Variants in GRIN2C observed in about 807,000 individuals in gnomAD.
GRIN2C encodes glutamate receptor ionotropic, NMDA 2C.
In GRIN2C, 64 loss-of-function variants were observed where a neutral mutation model predicts 77.7. The ratio of observed to expected loss-of-function variants is 0.82; its 90% CI spans 0.67 to 1.01. GRIN2C has a LOEUF of 1.01. Ranked by LOEUF, GRIN2C falls within the 50% of genes least tolerant of loss-of-function variation. The pLI, the probability that GRIN2C is intolerant of heterozygous loss-of-function variation, is 0.00. For missense variants in GRIN2C, 1,549 were observed against 1,486.0 expected (o/e 1.04, Z -0.70); for synonymous variants, 792 against 643.4 (o/e 1.23, Z -3.49).
Position 74,846,685 on chromosome 17 carries a change from C to A in GRIN2C, c.2162+75G>T. On this transcript the variant is annotated intron_variant, in intron 10 of 12. Coordinates refer to ENST00000293190, the MANE Select transcript of GRIN2C (RefSeq NM_000835.6). This position sits in a 1 kb window ranked among gnomAD's most constrained non-coding sequence, Gnocchi z 4.4. ...TGCAGGACAGCCCAGTCCCACTGTC[C>A]CCACATTGAGAGCTAAGGCTGGTCA... 1 of 1,475,290 alleles carries A rather than the reference C, an allele frequency of 6.8e-7. No individual in the cohort carries two copies. The highest frequency in any genetic ancestry group is 1.2e-5 in the South Asian group (1 of 80,194). The allele number at this position is 1,475,290 out of a possible 1,614,324, so 91.4% of individuals were successfully genotyped here.
chr17:74,850,157 AGCAGGTGGGCAG>A lies in GRIN2C; in HGVS notation c.1491+37_1491+48del. The A allele has an allele frequency of 6.3e-7, 1 of 1,597,108 alleles. No individual in the cohort carries two copies. Among genetic ancestry groups the A allele is most frequent in the South Asian group, 1.1e-5 (1 of 90,474 alleles). The stretch of plus-strand genomic sequence containing the variant: ...TCTGAGAGCCACATGGGGCCTGGGC[AGCAGGTGGGCAG>A]GCAGGGCAGGTGAGGAGGGAGTGGG... On this transcript the variant is annotated intron_variant, in intron 6 of 12. Coordinates refer to ENST00000293190, the MANE Select transcript of GRIN2C (RefSeq NM_000835.6). The surrounding 1 kb of genome is among the most constrained non-coding windows in gnomAD (Gnocchi z 5.3).
chr17:74,847,291 A>ACC lies in GRIN2C; in HGVS notation c.2001+16_2001+17insGG. The ACC allele has an allele frequency of 4.5e-6, 2 of 446,804 alleles. No homozygotes were observed. Among genetic ancestry groups the ACC allele is most frequent in the Non-Finnish European group, 8.3e-6 (2 of 240,040 alleles). 27.7% of individuals were successfully genotyped at this position (446,804 alleles called of 1,614,324 possible). A position where few individuals can be genotyped will look rare whatever the true frequency, so the allele number is the denominator to read the frequency against. On this transcript the variant is annotated intron_variant, in intron 9 of 12. Coordinates refer to ENST00000293190, the MANE Select transcript of GRIN2C (RefSeq NM_000835.6). This position sits in a 1 kb window ranked among gnomAD's most constrained non-coding sequence, Gnocchi z 5.2. ...CTCAGTGCCCCCCCCCACCCCCAGCAGCTATGGCCCCACAACCTTCTTGTC... is the reference window on the plus strand; with the variant it reads ...CTCAGTGCCCCCCCCCACCCCCAGCACCGCTATGGCCCCACAACCTTCTTGTC...
Position 74,850,498 on chromosome 17 carries a change from C to G in GRIN2C, c.1325+58G>C. 1 of 1,580,774 alleles carries G rather than the reference C, an allele frequency of 6.3e-7. No individual in the cohort carries two copies. Among genetic ancestry groups the G allele is most frequent in the Non-Finnish European group, 8.7e-7 (1 of 1,152,440 alleles). ...ACCCAAGCATGGGACATACACGACA[C>G]CTGACCATCACACGGCAGCACCCAG... On this transcript the variant is annotated intron_variant, in intron 5 of 12. Transcript: ENST00000293190. This position sits in a 1 kb window ranked among gnomAD's most constrained non-coding sequence, Gnocchi z 5.3.
intron 2 of GRIN2C, chr17:74,853,338 A>G (rs2037720720): frequency 6.6e-6 from 1 of 152,228 alleles, no homozygotes; most frequent in Non-Finnish European, 1.5e-5. Context: ...GCAAGGAAAA[A>G]AGAGAGACAG....
In GRIN2C at chr17:74,844,828, ATATACT is replaced by A. The variant is rs548900415; in HGVS notation, c.2351-326_2351-321del. On this transcript the variant is annotated intron_variant, in intron 11 of 12. Coordinates refer to ENST00000293190, the MANE Select transcript of GRIN2C (RefSeq NM_000835.6). ...AGCATTCATTCATTCACTCCTCTTC[ATATACT>A]TATTAACCATCTACATGCCACTCAC... is the stretch of plus-strand genomic sequence containing the variant. 5.9e-5 allele frequency among the ~76,000 whole-genome samples: 9 copies of A among 152,288 alleles called. No individual in the cohort carries two copies. The South Asian group carries it at 1.9e-3, about 32-fold the overall frequency.
chr17:74,849,857 G>C lies in GRIN2C; in HGVS notation c.1568C>G (p.Ser523Cys). The C allele has an allele frequency of 6.2e-7, 1 of 1,613,700 alleles. No homozygotes were observed. The highest frequency in any genetic ancestry group is 1.1e-5 in the South Asian group (1 of 91,054). Residue 523 changes from serine (S) to cysteine (C), a missense_variant, in exon 7 of 13, where the codon TCT (serine) becomes TGT (cysteine). This residue lies in a region of GRIN2C where 717 missense variants were observed against 858.1 expected (regional missense o/e 0.84). Coordinates refer to ENST00000293190, the MANE Select transcript of GRIN2C (RefSeq NM_000835.6). The surrounding 1 kb of genome is among the most constrained non-coding windows in gnomAD (Gnocchi z 4.6). ...NEERSEIVDF[S>C]VPFVETGISV... ...GATGCCCGTCTCCACAAAGGGTACA[G>C]AGAAGTCTACGATCTCGGAGCGTTC...
chr17:74,852,961 G>C (rs142567957), intron 2 of GRIN2C: 3,273 of 234,902 alleles, frequency 0.014, 42 homozygotes, highest in Non-Finnish European at 0.019. Context: ...CTCTTCAGCC[G>C]ATCCTTGAGC....
At position 74,847,506 on chromosome 17, in the gene GRIN2C, C is replaced by CT. The variant is rs767084005; in HGVS notation, c.1802dup (p.Ser602ValfsTer64). 2 of 1,613,902 alleles carry CT rather than the reference C, an allele frequency of 1.2e-6. No individual in the cohort carries two copies. The highest frequency in any genetic ancestry group is 1.7e-6 in the Non-Finnish European group (2 of 1,179,950). ...CCAGCGCCCACAGCAGCCACACGGA[C>CT]TTGCCGATAGTGAAAGCTGGGCCCC... is the stretch of plus-strand genomic sequence containing the variant. On this transcript the variant is annotated frameshift_variant, in exon 9 of 13. Coordinates refer to ENST00000293190, the MANE Select transcript of GRIN2C (RefSeq NM_000835.6). LOFTEE classifies it high-confidence loss of function. This position sits in a 1 kb window ranked among gnomAD's most constrained non-coding sequence, Gnocchi z 5.2.
Position 74,842,731 on chromosome 17 carries a change from C to G in GRIN2C, c.3406G>C (p.Glu1136Gln), listed in dbSNP as rs755037383. ...TGCCAGGCGGGGGCCCCTGCCTGCT[C>G]GCCCTCCTGGCAGGCCTCCCGGTAG... Reference protein sequence around the residue: ...PIYREACQEGEQAGAPAWQHR... With the variant: ...PIYREACQEGQQAGAPAWQHR... The change falls in exon 13 of 13, where the codon GAG becomes CAG. Residue 1136 changes from glutamate to glutamine, a missense_variant. Physicochemically the swap from Glu to Gln is conservative, Grantham distance 29. Coordinates refer to ENST00000293190, the MANE Select transcript of GRIN2C (RefSeq NM_000835.6). The G allele has an allele frequency of 2.8e-6, 2 of 705,638 alleles. No homozygotes were observed. Among genetic ancestry groups the G allele is most frequent in the South Asian group, 1.5e-5 (1 of 67,270 alleles). The allele number at this position is 705,638 out of a possible 1,614,324, so 43.7% of individuals were successfully genotyped here.
intron 2 of GRIN2C, 44 bp downstream of exon 2, chr17:74,854,650 G>T (rs1027365617): frequency 6.4e-7 from 1 of 1,557,438 alleles, no homozygotes; most frequent in Non-Finnish European, 8.8e-7. Context: ...CCCCAGCCTG[G>T]TTCCAGGCCT....
chr17:74,846,112 G>C lies in GRIN2C; in HGVS notation c.2304C>G (p.His768Gln), dbSNP rs756777941. The change falls in exon 11 of 13, where the codon CAC (histidine) becomes CAG (glutamine). Residue 768 changes from histidine to glutamine, a missense_variant. Transcript: ENST00000293190. The surrounding 1 kb of genome is among the most constrained non-coding windows in gnomAD (Gnocchi z 4.4). ...GYGIAMQKDS[H>Q]WKRAIDLALL... Reference sequence around the variant, plus strand: ...GCGCCAGGTCTATGGCCCGCTTCCAGTGGGAGTCCTTCTGCATGGCGATGC... The same window carrying C: ...GCGCCAGGTCTATGGCCCGCTTCCACTGGGAGTCCTTCTGCATGGCGATGC... 20 of 1,614,228 alleles carry C rather than the reference G, an allele frequency of 1.2e-5. 2 individuals are homozygous for C. In the South Asian group the frequency reaches 1.8e-4, roughly 14 times the overall value.
At chr17:74,861,462 C>T (rs1374897399), upstream of GRIN2C, 8 of 151,984 alleles carry the variant, frequency 5.3e-5, no homozygotes, top group East Asian at 1.6e-3. Flanking sequence ...CGACGAGAGC[C>T]CGCGCCGGCC....
rs189934255 is a variant in GRIN2C, at chr17:74,844,818, A to G, written c.2351-310T>C. On this transcript the variant is annotated intron_variant, in intron 11 of 12. Transcript: ENST00000293190. ...GGTAAATGTTAGCATTCATTCATTC[A>G]CTCCTCTTCATATACTTATTAACCA... Among the ~76,000 whole-genome samples the G allele has an allele frequency of 9.8e-4, 149 of 151,294 alleles. 1 individual carries two copies. The highest frequency in any genetic ancestry group is 3.4e-3 in the African/African-American group (141 of 41,132).
rs1265756560 is a variant in GRIN2C, at chr17:74,847,398, G to T, written c.1911C>A (p.Val637=). The change falls in exon 9 of 13, where the codon GTC becomes GTA. Residue 637 remains valine (V), a synonymous_variant. Transcript: ENST00000293190. The surrounding 1 kb of genome is among the most constrained non-coding windows in gnomAD (Gnocchi z 5.2). ...TGGCCGTGTAGCTGGCGAGGAAGAT[G>T]ACAGCAAAGAAGGCCCAGACCAGAA... is the stretch of plus-strand genomic sequence containing the variant. ...IMVLVWAFFA[V]IFLASYTANL... 3 of 1,614,092 alleles carry T rather than the reference G, an allele frequency of 1.9e-6. No homozygotes were observed. In the South Asian group the frequency reaches 3.3e-5, roughly 18 times the overall value.
rs375714875 is a variant in GRIN2C, at chr17:74,844,301, A to T, written c.2558T>A (p.Leu853Gln). The T allele has an allele frequency of 4.3e-6, 7 of 1,614,014 alleles. No individual in the cohort carries two copies. Among genetic ancestry groups the T allele is most frequent in the Non-Finnish European group, 5.1e-6 (6 of 1,179,926 alleles). ...LRHSVPNSSQ[L>Q]DFLLAFSRGI... ...CCTGCTGAAAGCCAGCAGGAAGTCCAGCTGGGATGAGTTGGGCACCGAGTG... is the reference window on the plus strand; with the variant it reads ...CCTGCTGAAAGCCAGCAGGAAGTCCTGCTGGGATGAGTTGGGCACCGAGTG... The change falls in exon 12 of 13, where the codon CTG (leucine) becomes CAG (glutamine). Residue 853 changes from leucine to glutamine, a missense_variant. Leu to Gln is a moderately radical substitution (Grantham distance 113). This residue lies in a region of GRIN2C where 450 missense variants were observed against 267.9 expected (regional missense o/e 1.68). Transcript: ENST00000293190.
chr17:74,852,284 C>T lies in GRIN2C; in HGVS notation c.727G>A (p.Ala243Thr), dbSNP rs1287252854. ...ACGTGGCCGGGCCCCACCAGACCGGCCTGCGCCGCCTCGGCGAAGAGCACC... is the reference window on the plus strand; with the variant it reads ...ACGTGGCCGGGCCCCACCAGACCGGTCTGCGCCGCCTCGGCGAAGAGCACC... ...AEVLFAEAAQ[A>T]GLVGPGHVWL... is the part of the protein sequence containing the mutation. The change falls in exon 3 of 13, where the codon GCC (alanine) becomes ACC (threonine). Residue 243 changes from alanine to threonine, a missense_variant. Around this residue, in one of 3 missense-constraint regions of GRIN2C, gnomAD observed 382 missense variants for 360.0 expected, o/e 1.06. Coordinates refer to ENST00000293190, the MANE Select transcript of GRIN2C (RefSeq NM_000835.6). 1 of 1,420,404 alleles carries T rather than the reference C, an allele frequency of 7.0e-7. No individual in the cohort carries two copies. Among genetic ancestry groups the T allele is most frequent in the East Asian group, 2.9e-5 (1 of 34,058 alleles). The allele number at this position is 1,420,404 out of a possible 1,614,324, so 88.0% of individuals were successfully genotyped here. A position where few individuals can be genotyped will look rare whatever the true frequency, so the allele number is the denominator to read the frequency against.
Position 74,854,856 on chromosome 17 carries a change from G to A in GRIN2C, c.237C>T (p.Thr79=), listed in dbSNP as rs2037767946. The A allele has an allele frequency of 6.2e-6, 10 of 1,613,808 alleles. No homozygotes were observed. The highest frequency in any genetic ancestry group is 8.5e-6 in the Non-Finnish European group (10 of 1,179,762). The change falls in exon 2 of 13, where the codon ACC becomes ACT. Residue 79 remains threonine (T), a synonymous_variant. Coordinates refer to ENST00000293190, the MANE Select transcript of GRIN2C (RefSeq NM_000835.6). ...VNTTNPSSLL[T]QICGLLGAAH... is the part of the protein sequence containing the mutation. ...CAGCACCCAGGAGGCCGCAGATCTG[G>A]GTGAGGAGGCTGCTGGGGTTGGTGG...
intron 4 of GRIN2C, 90 bp downstream of exon 4, chr17:74,851,487 A>G: frequency 1.4e-6 from 1 of 725,960 alleles, no homozygotes; most frequent in Non-Finnish European, 2.4e-6. Context: ...GATAAGGGAC[A>G]GAGGGACTCT....
Position 74,855,115 on chromosome 17 carries a change from G to T in GRIN2C, c.-15-8C>A. On this transcript the variant is annotated splice_polypyrimidine_tract_variant and splice_region_variant and intron_variant, in intron 1 of 12. Transcript: ENST00000293190. ...CATGTCCACCGGAGGGTCCTGCGGA[G>T]AGACCAGAACAAGCACAGGGAGAGA... 6.4e-7 allele frequency: 1 copy of T among 1,550,738 alleles called. No individual in the cohort carries two copies. The highest frequency in any genetic ancestry group is 8.7e-7 in the Non-Finnish European group (1 of 1,155,064).
Sources: allele counts gnomAD v4.1 joint callset (sites outside exome capture counted in the v4.1 genomes callset), GRCh38; gene constraint gnomAD v4.1.1; regional missense constraint gnomAD v4.1.1; non-coding constraint Gnocchi (gnomAD v3.1); transcripts MANE v1.5; gene names NCBI Gene and HGNC (gene_info 2026-07-23, HGNC 2026-07-21).